FGGY: variants seen among roughly 807,000 people sequenced by gnomAD.
The protein encoded by FGGY is FGGY carbohydrate kinase domain containing, also known as FGGY carbohydrate kinase domain-containing protein.
A neutral mutation model predicts 71.3 loss-of-function variants in FGGY; 72 were observed. The ratio of observed to expected loss-of-function variants is 1.01; its 90% CI spans 0.84 to 1.23. The LOEUF is 1.23. Ranked by LOEUF, FGGY falls within the 50% of genes most tolerant of loss-of-function variation. The probability of loss-of-function intolerance (pLI) is 0.00; values close to 1 mark genes in which losing one functional copy is unlikely to be tolerated. For synonymous variants in FGGY, 251 were observed against 250.3 expected (o/e 1.00, Z -0.02); for missense variants, 668 against 682.3 (o/e 0.98, Z 0.23).
intron 5 of FGGY, among the ~76,000 whole-genome samples, chr1:59,456,179 A>G (rs1245928165): frequency 2.6e-5 from 4 of 152,122 alleles, no homozygotes; most frequent in Non-Finnish European, 5.9e-5. Flanking sequence ...GCCACATGCC[A>G]TTTACTTCTC....
intron 8 of FGGY, among the ~76,000 whole-genome samples, chr1:59,559,076 AC>A (rs1395588816): frequency 2.0e-5 from 3 of 152,212 alleles, no homozygotes; most frequent in African/African-American, 7.2e-5. Context: ...GTTCAAACAC[AC>A]ATCTTTTACA....
intron 6 of FGGY, among the ~76,000 whole-genome samples, chr1:59,475,495 A>G (rs2093220048): frequency 6.6e-6 from 1 of 152,116 alleles, no homozygotes; most frequent in African/African-American, 2.4e-5. Context: ...TTTTTCTTCC[A>G]CCAAACTTGT....
intron 5 of FGGY, among the ~76,000 whole-genome samples, chr1:59,419,312 G>T (rs1222643622): frequency 1.3e-5 from 2 of 152,112 alleles, no homozygotes; most frequent in African/African-American, 2.4e-5. Context: ...TACCAGTTAA[G>T]CTTTGTATTT....
At chr1:59,748,579 C>T (rs1429757475) in intron 14 of FGGY, among the ~76,000 whole-genome samples, 1 of 152,180 alleles carries the variant, frequency 6.6e-6, no homozygotes, top group East Asian at 1.9e-4. Flanking sequence ...TGAGATGAGA[C>T]TGGAGACATC....
At chr1:59,323,676 G>A (rs751825827) in intron 2 of FGGY, among the ~76,000 whole-genome samples, 5 of 152,186 alleles carry the variant, frequency 3.3e-5, no homozygotes, top group African/African-American at 4.8e-5. Flanking sequence ...TCTTGGACAA[G>A]TTACCTAATG....
At chr1:59,446,302 A>G (rs940212286) in intron 5 of FGGY, among the ~76,000 whole-genome samples, 1 of 152,024 alleles carries the variant, frequency 6.6e-6, no homozygotes, top group Admixed American at 6.6e-5. Context: ...CCTCAACTCG[A>G]TTATTTATTC....
chr1:59,348,321 T>C (rs1351051658), intron 4 of FGGY, among the ~76,000 whole-genome samples: 2 of 152,206 alleles, frequency 1.3e-5, no homozygotes, highest in Admixed American at 6.5e-5. Context: ...TGTTGACATC[T>C]TAGGCTTTCC....
intron 12 of FGGY, among the ~76,000 whole-genome samples, chr1:59,662,374 C>T (rs1409229685): frequency 1.3e-5 from 2 of 150,782 alleles, no homozygotes; most frequent in Admixed American, 1.3e-4. Flanking sequence ...GTGCTAGATA[C>T]ATTACACACA....
At chr1:59,481,776 C>A (rs2093479619) in intron 6 of FGGY, among the ~76,000 whole-genome samples, 1 of 152,142 alleles carries the variant, frequency 6.6e-6, no homozygotes, top group Non-Finnish European at 1.5e-5. Flanking sequence ...AGAGATTAAA[C>A]TGAACAGATT....
intron 5 of FGGY, among the ~76,000 whole-genome samples, chr1:59,427,005 A>C (rs1214781667): frequency 6.6e-6 from 1 of 152,206 alleles, no homozygotes; most frequent in South Asian, 2.1e-4. Context: ...GGGACATAAA[A>C]ATCTTTCAAC....
At chr1:59,724,235 T>G (rs1160483519) in intron 14 of FGGY, among the ~76,000 whole-genome samples, 1 of 151,748 alleles carries the variant, frequency 6.6e-6, no homozygotes. Flanking sequence ...TCCCAGCACT[T>G]TGGGAGGCCG....
At chr1:59,639,941 A>T (rs988463159) in intron 11 of FGGY, among the ~76,000 whole-genome samples, 1 of 152,220 alleles carries the variant, frequency 6.6e-6, no homozygotes, top group Admixed American at 6.5e-5. Flanking sequence ...ATTCTAATAC[A>T]GTTGACCCAA....
chr1:59,381,384 G>A (rs192578884), intron 5 of FGGY, among the ~76,000 whole-genome samples: 239 of 151,972 alleles, frequency 1.6e-3, no homozygotes, highest in South Asian at 3.9e-3. Flanking sequence ...TACCTTGGGC[G>A]GTATGGCCAT....
chr1:59,728,531 T>C (rs2097978944), intron 14 of FGGY, among the ~76,000 whole-genome samples: 1 of 152,048 alleles, frequency 6.6e-6, no homozygotes, highest in South Asian at 2.1e-4. Context: ...ACCTATATCA[T>C]TTTCCTTCTC....
At chr1:59,658,210 G>A (rs541253352) in intron 11 of FGGY, among the ~76,000 whole-genome samples, 2 of 152,216 alleles carry the variant, frequency 1.3e-5, no homozygotes, top group South Asian at 2.1e-4. Context: ...TGTTCCCTTA[G>A]GCACATTATT....
intron 8 of FGGY, among the ~76,000 whole-genome samples, chr1:59,561,174 C>T (rs1393511848): frequency 2.6e-5 from 4 of 152,052 alleles, no homozygotes; most frequent in African/African-American, 9.7e-5. Flanking sequence ...CAGAAGTTAC[C>T]AGAGGGGTGG....
intron 5 of FGGY, among the ~76,000 whole-genome samples, chr1:59,402,650 C>T (rs138559369): frequency 2.1e-4 from 32 of 152,262 alleles, no homozygotes; most frequent in African/African-American, 7.7e-4. Context: ...TAATTATTCA[C>T]TAAGCAGGAA....
At chr1:59,429,413 T>A (rs541450530) in intron 5 of FGGY, among the ~76,000 whole-genome samples, 1 of 152,340 alleles carries the variant, frequency 6.6e-6, no homozygotes, top group South Asian at 2.1e-4. Flanking sequence ...TTCTTTCAAA[T>A]CAACTCAATT....
At chr1:59,576,537 T>C (rs1260809355) in intron 8 of FGGY, among the ~76,000 whole-genome samples, 1 of 152,180 alleles carries the variant, frequency 6.6e-6, no homozygotes, top group East Asian at 1.9e-4. Flanking sequence ...CTGCACGTTC[T>C]GCACACGTAT....
Sources: allele counts gnomAD v4.1 joint callset (sites outside exome capture counted in the v4.1 genomes callset), GRCh38; gene constraint gnomAD v4.1.1; transcripts MANE v1.5; gene names NCBI Gene and HGNC (gene_info 2026-07-23, HGNC 2026-07-21).